Variants in ADD1 observed in about 807,000 individuals in gnomAD.
ADD1 encodes adducin 1.
In ADD1, 24 loss-of-function variants were observed where a neutral mutation model predicts 80.5. The ratio of observed to expected loss-of-function variants is 0.30; its 90% CI spans 0.22 to 0.42. The LOEUF (loss-of-function observed/expected upper bound fraction) is 0.42, where lower values mean the gene tolerates loss of function less well. ADD1 is among the 10% of genes least tolerant of loss of function. The pLI is 1.00. For missense variants in ADD1, 948 were observed against 1,019.0 expected (o/e 0.93, Z 0.95); for synonymous variants, 373 against 393.8 (o/e 0.95, Z 0.63).
intron 14 of ADD1, among the ~76,000 whole-genome samples, chr4:2,918,849 G>GTT (rs59901638): frequency 2.1e-5 from 3 of 143,858 alleles, no homozygotes; most frequent in Non-Finnish European, 3.1e-5. Context: ...TTGTTATTTG[G>GTT]TTTTTTTTTT....
chr4:2,860,458 C>T (rs543957008), intron 1 of ADD1, among the ~76,000 whole-genome samples: 19 of 152,292 alleles, frequency 1.2e-4, no homozygotes, highest in African/African-American at 4.3e-4. Flanking sequence ...TCTCTTCAGT[C>T]GGACGTCAGT....
intron 14 of ADD1, among the ~76,000 whole-genome samples, chr4:2,916,489 C>T (rs966945388): frequency 2.0e-5 from 3 of 152,046 alleles, no homozygotes; most frequent in East Asian, 1.9e-4. Context: ...CCACTGCGCC[C>T]GGCCCTGAAT....
At chr4:2,853,596 GTTA>G (rs1459206953) in intron 1 of ADD1, 2 of 151,818 alleles carry the variant, frequency 1.3e-5, no homozygotes, top group Non-Finnish European at 2.9e-5. Context: ...AAACTCTTCT[GTTA>G]TTATGTTGTT....
intron 1 of ADD1, among the ~76,000 whole-genome samples, chr4:2,870,999 C>T (rs1267583102): frequency 1.2e-4 from 17 of 147,530 alleles, no homozygotes; most frequent in South Asian, 2.1e-4. Context: ...GCTGGAGTCT[C>T]GCTCTGTCAC....
chr4:2,877,404 T>A (rs752536382), intron 2 of ADD1, among the ~76,000 whole-genome samples: 6 of 152,250 alleles, frequency 3.9e-5, no homozygotes, highest in Non-Finnish European at 7.4e-5. Context: ...TTTGTTTAGT[T>A]GTTGTTACTG....
In ADD1 at chr4:2,881,962, G is replaced by T; in HGVS notation, c.260G>T (p.Gly87Val). ...EQFKKGKNPT[G>V]LLALQQIADF... ...TTTAAGAAGGGGAAGAACCCCACAG[G>T]CCTATTGGCATTACAGCAGATTGCA... is the stretch of plus-strand genomic sequence containing the variant. The change falls in exon 3 of 16, where the codon GGC becomes GTC. Residue 87 changes from glycine (G) to valine (V), a missense_variant. By Grantham distance (109) the Gly-to-Val change is moderately radical. Transcript: ENST00000683351. 2 of 1,613,394 alleles carry T rather than the reference G, an allele frequency of 1.2e-6. No homozygotes were observed. Among genetic ancestry groups the T allele is most frequent in the Non-Finnish European group, 1.7e-6 (2 of 1,179,790 alleles).
chr4:2,882,068 G>C lies in ADD1; in HGVS notation c.358+8G>C. 1 of 1,581,434 alleles carries C rather than the reference G, an allele frequency of 6.3e-7. No homozygotes were observed. Among genetic ancestry groups the C allele is most frequent in the Non-Finnish European group, 8.5e-7 (1 of 1,169,810 alleles). ...TGGCTGCCTTAAACATGAGTGAGTAGTTCCTGATTTTTAATATATGTTCTG... is the reference window on the plus strand; with the variant it reads ...TGGCTGCCTTAAACATGAGTGAGTACTTCCTGATTTTTAATATATGTTCTG... On this transcript the variant is annotated splice_region_variant and intron_variant, in intron 3 of 15. Transcript: ENST00000683351.
At chr4:2,923,855 C>T (rs948490137) in intron 14 of ADD1, among the ~76,000 whole-genome samples, 1 of 152,250 alleles carries the variant, frequency 6.6e-6, no homozygotes, top group African/African-American at 2.4e-5. Context: ...CGAGGTTGTG[C>T]GTGGCCGAGC....
intron 14 of ADD1, among the ~76,000 whole-genome samples, chr4:2,915,692 G>A (rs910023521): frequency 5.3e-5 from 8 of 151,944 alleles, no homozygotes; most frequent in East Asian, 1.9e-4. Context: ...GTGTAGTGGC[G>A]CATGCCTGTA....
At chr4:2,913,972 T>C (rs1220666487) in intron 13 of ADD1, among the ~76,000 whole-genome samples, 1 of 148,404 alleles carries the variant, frequency 6.7e-6, no homozygotes, top group Non-Finnish European at 1.5e-5. Context: ...GGCAGGAGAA[T>C]GGAGTGAACC....
chr4:2,898,620 A>T, intron 8 of ADD1, 89 bp downstream of exon 8: 2 of 1,129,314 alleles, frequency 1.8e-6, no homozygotes, highest in Non-Finnish European at 2.7e-6. Flanking sequence ...ATCGAGTAGG[A>T]GAGGAGTCTT....
chr4:2,909,143 T>C lies in ADD1; in HGVS notation c.1699-196T>C, dbSNP rs771025005. On this transcript the variant is annotated intron_variant, in intron 12 of 15. Transcript: ENST00000683351. Reference sequence around the variant, plus strand: ...GCTTTAACACCTGACTCTGCAGGGGTAGACGATTGTTGGATTTGTCCAGCC... The same window carrying C: ...GCTTTAACACCTGACTCTGCAGGGGCAGACGATTGTTGGATTTGTCCAGCC... 5 of 595,612 alleles carry C rather than the reference T, an allele frequency of 8.4e-6. No homozygotes were observed. The East Asian group carries it at 1.4e-4, about 17-fold the overall frequency. 36.9% of individuals were successfully genotyped at this position (595,612 alleles called of 1,614,324 possible).
In ADD1 at chr4:2,920,854, A is replaced by G. The variant is rs148545592; in HGVS notation, c.1949-5160A>G. On this transcript the variant is annotated intron_variant, in intron 14 of 15. Coordinates refer to ENST00000683351, the MANE Select transcript of ADD1 (RefSeq NM_001354761.2). ...ATTTACATTTAAGGTTAATATTGCT[A>G]TGTGTGAATTTGATCCTGTCATTAT... 6.3e-3 allele frequency among the ~76,000 whole-genome samples: 952 copies of G among 152,164 alleles called. 8 individuals are homozygous for G. Among genetic ancestry groups the G allele is most frequent in the Non-Finnish European group, 0.01 (710 of 68,028 alleles).
intron 1 of ADD1, among the ~76,000 whole-genome samples, chr4:2,852,147 T>TTTCC (rs1491484845): frequency 2.6e-5 from 2 of 77,148 alleles, no homozygotes; most frequent in Admixed American, 2.6e-4. Flanking sequence ...CTTTTCTTTC[T>TTTCC]TTCTTTCTTT....
intron 9 of ADD1, chr4:2,901,335 C>G (rs1267056977): frequency 1.3e-5 from 2 of 152,152 alleles, no homozygotes; most frequent in African/African-American, 4.8e-5. Flanking sequence ...CAGCAGCCAC[C>G]AAAGACTGTG....
At chr4:2,909,027 TACAC>T (rs1737548387) in intron 12 of ADD1, 1 of 472,180 alleles carries the variant, frequency 2.1e-6, no homozygotes, top group African/African-American at 2.0e-5. Flanking sequence ...GGTGCACATT[TACAC>T]ACATTTCTAC....
chr4:2,860,840 C>T (rs549467239), intron 1 of ADD1, among the ~76,000 whole-genome samples: 2 of 152,200 alleles, frequency 1.3e-5, no homozygotes, highest in South Asian at 4.1e-4. Flanking sequence ...GAAATCTTGC[C>T]AAAATTACAG....
intron 1 of ADD1, among the ~76,000 whole-genome samples, chr4:2,851,785 A>G (rs946874957): frequency 6.6e-6 from 1 of 152,004 alleles, no homozygotes; most frequent in African/African-American, 2.4e-5. Flanking sequence ...TGTGATGTTA[A>G]TTGACCAGTC....
chr4:2,846,442 C>T (rs754999835), intron 1 of ADD1, among the ~76,000 whole-genome samples: 2 of 152,118 alleles, frequency 1.3e-5, no homozygotes, highest in African/African-American at 2.4e-5. Flanking sequence ...AGTCTTTGTT[C>T]GCAGCCCTTG....
Sources: allele counts gnomAD v4.1 joint callset (sites outside exome capture counted in the v4.1 genomes callset), GRCh38; gene constraint gnomAD v4.1.1; transcripts MANE v1.5; gene names NCBI Gene and HGNC (gene_info 2026-07-23, HGNC 2026-07-21).